Variants in MAGI2 observed in about 807,000 individuals in gnomAD.
The protein encoded by MAGI2 is membrane associated guanylate kinase, WW and PDZ domain containing 2.
In MAGI2, 35 loss-of-function variants were observed where a neutral mutation model predicts 133.3. The observed-to-expected ratio is 0.26, with a 90% CI of 0.20 to 0.35. MAGI2 has a LOEUF of 0.35. MAGI2 is among the 10% of genes least tolerant of loss of function. The probability of loss-of-function intolerance (pLI) is 1.00; values close to 1 mark genes in which losing one functional copy is unlikely to be tolerated. For missense variants in MAGI2, 1,636 were observed against 1,863.4 expected (o/e 0.88, Z 2.25); for synonymous variants, 729 against 710.6 (o/e 1.03, Z -0.41).
Position 79,321,381 on chromosome 7 carries a change from A to G in MAGI2, c.301+131639T>C, listed in dbSNP as rs150404625. 5.1e-3 allele frequency among the ~76,000 whole-genome samples: 781 copies of G among 152,252 alleles called. 4 individuals carry two copies. Among genetic ancestry groups the G allele is most frequent in the African/African-American group, 0.018 (738 of 41,552 alleles). On this transcript the variant is annotated intron_variant, in intron 1 of 21. Coordinates refer to ENST00000354212, the MANE Select transcript of MAGI2 (RefSeq NM_012301.4). ...AATTTAATATTCAATCTTTAGACAT[A>G]GCCATATATCCATGTTCCTTAAAAG...
chr7:79,143,517 T>C (rs1822327416), intron 1 of MAGI2, among the ~76,000 whole-genome samples: 1 of 152,166 alleles, frequency 6.6e-6, no homozygotes, highest in Non-Finnish European at 1.5e-5. Flanking sequence ...CCATTTGCTG[T>C]GGTAATAAAA....
intron 1 of MAGI2, among the ~76,000 whole-genome samples, chr7:79,132,763 A>G (rs988313687): frequency 3.6e-4 from 54 of 152,068 alleles, no homozygotes; most frequent in African/African-American, 1.1e-3. Flanking sequence ...AACATTCCCA[A>G]CCAACAGTGT....
chr7:78,085,550 CCACACACA>C (rs10636313), intron 20 of MAGI2, among the ~76,000 whole-genome samples: 12 of 121,042 alleles, frequency 9.9e-5, no homozygotes, highest in East Asian at 7.7e-4. Flanking sequence ...AATAAAACTC[CCACACACA>C]CACACACACA....
chr7:78,970,599 T>C (rs946885209), intron 2 of MAGI2, among the ~76,000 whole-genome samples: 2 of 152,052 alleles, frequency 1.3e-5, no homozygotes, highest in African/African-American at 4.8e-5. Context: ...AAATTCTCCT[T>C]ACATTGGCAA....
intron 3 of MAGI2, among the ~76,000 whole-genome samples, chr7:78,576,574 A>G (rs1802289771): frequency 6.8e-6 from 1 of 147,450 alleles, no homozygotes; most frequent in South Asian, 2.1e-4. Flanking sequence ...ACTTTTCCTG[A>G]AAGTCCATCA....
rs1232388186 is a variant in MAGI2 at position 79,292,819 on chromosome 7, A to G, written c.301+160201T>C. Among the ~76,000 whole-genome samples the G allele has an allele frequency of 2.9e-5, 4 of 136,234 alleles. No individual in the cohort carries two copies. In the Admixed American group the frequency reaches 3.3e-4, roughly 11 times the overall value. The allele number at this position is 136,234 out of a possible 152,430, so 89.4% of individuals were successfully genotyped here. A position where few individuals can be genotyped will look rare whatever the true frequency, so the allele number is the denominator to read the frequency against. Reference sequence around the variant, plus strand: ...AAAAAAAGGCAGCTCCTCAGCTGTCATTTTGATAGGGATTGCCCTGAGTCT... The same window carrying G: ...AAAAAAAGGCAGCTCCTCAGCTGTCGTTTTGATAGGGATTGCCCTGAGTCT... On this transcript the variant is annotated intron_variant, in intron 1 of 21. Transcript: ENST00000354212.
intron 20 of MAGI2, among the ~76,000 whole-genome samples, chr7:78,120,677 G>T (rs1432091145): frequency 6.6e-6 from 1 of 152,066 alleles, no homozygotes; most frequent in African/African-American, 2.4e-5. Flanking sequence ...GCAGATTGGT[G>T]GGGGGTGGGA....
chr7:78,318,629 G>A (rs1218816538), intron 9 of MAGI2, among the ~76,000 whole-genome samples: 3 of 152,082 alleles, frequency 2.0e-5, no homozygotes, highest in African/African-American at 7.2e-5. Context: ...ATGCCACAAA[G>A]ATATTCCTCA....
chr7:78,126,575 A>G (rs1262730093), intron 19 of MAGI2, among the ~76,000 whole-genome samples: 1 of 152,014 alleles, frequency 6.6e-6, no homozygotes, highest in Non-Finnish European at 1.5e-5. Context: ...TGTAAGGAAG[A>G]CTCTCCCTTT....
At chr7:78,697,336 T>A (rs187462603) in intron 2 of MAGI2, among the ~76,000 whole-genome samples, 460 of 152,310 alleles carry the variant, frequency 3.0e-3, no homozygotes, top group Non-Finnish European at 5.3e-3. Flanking sequence ...TCAGACTGCT[T>A]CTCAGTCTGC....
At chr7:78,624,829 T>C (rs1003200688) in intron 3 of MAGI2, among the ~76,000 whole-genome samples, 3 of 152,182 alleles carry the variant, frequency 2.0e-5, no homozygotes, top group Non-Finnish European at 4.4e-5. Context: ...TAATACTTGA[T>C]ATTGATAATA....
At chr7:78,427,492 AT>A (rs1273955709) in intron 6 of MAGI2, among the ~76,000 whole-genome samples, 1 of 152,136 alleles carries the variant, frequency 6.6e-6, no homozygotes, top group African/African-American at 2.4e-5. Context: ...AATGAGGAAT[AT>A]TTCATGATGA....
Position 78,256,329 on chromosome 7 carries a change from G to T in MAGI2, c.1661C>A (p.Thr554Asn). ...YETYLEYISR[T>N]SQSVPDITDR... ...TGTTATATCTGGAACTGACTGTGAGGTCCGAGAAATGTACTCCAAATATGT... is the reference window on the plus strand; with the variant it reads ...TGTTATATCTGGAACTGACTGTGAGTTCCGAGAAATGTACTCCAAATATGT... Residue 554 changes from threonine (T) to asparagine (N), a missense_variant, in exon 10 of 22, where the codon ACC becomes AAC. This residue lies in a region of MAGI2 where 920 missense variants were observed against 1,093.5 expected (regional missense o/e 0.84). Transcript: ENST00000354212. 6.2e-7 allele frequency: 1 copy of T among 1,614,068 alleles called. No individual in the cohort carries two copies. The highest frequency in any genetic ancestry group is 1.1e-5 in the South Asian group (1 of 91,088).
intron 2 of MAGI2, among the ~76,000 whole-genome samples, chr7:78,749,568 A>G (rs1006748516): frequency 6.6e-6 from 1 of 152,196 alleles, no homozygotes; most frequent in East Asian, 1.9e-4. Context: ...GAAAGCCCAA[A>G]GATCACACTG....
intron 1 of MAGI2, among the ~76,000 whole-genome samples, chr7:79,092,840 G>A (rs1439005915): frequency 1.3e-5 from 2 of 152,040 alleles, no homozygotes; most frequent in South Asian, 2.1e-4. Flanking sequence ...AACCCCTAAT[G>A]TCTTCAGCCA....
At chr7:78,313,613 T>C (rs1272413182) in intron 9 of MAGI2, among the ~76,000 whole-genome samples, 1 of 148,318 alleles carries the variant, frequency 6.7e-6, no homozygotes, top group Non-Finnish European at 1.5e-5. Context: ...TAGAAATAGG[T>C]ACTTTGCTAT....
intron 20 of MAGI2, among the ~76,000 whole-genome samples, chr7:78,105,179 A>G (rs1429073152): frequency 2.0e-5 from 3 of 152,128 alleles, no homozygotes; most frequent in African/African-American, 7.2e-5. Flanking sequence ...GTTAACGTAT[A>G]TTACTATAGT....
At chr7:78,802,765 C>T (rs1182457852) in intron 2 of MAGI2, among the ~76,000 whole-genome samples, 1 of 151,584 alleles carries the variant, frequency 6.6e-6, no homozygotes, top group Admixed American at 6.6e-5. Flanking sequence ...AAGTATGGAC[C>T]TGGGTGTCTT....
chr7:78,442,248 T>C (rs1412954982), intron 6 of MAGI2, among the ~76,000 whole-genome samples: 4 of 152,222 alleles, frequency 2.6e-5, no homozygotes, highest in Non-Finnish European at 5.9e-5. Flanking sequence ...TTAGAGTTAT[T>C]GTGCATTTGT....
Sources: allele counts gnomAD v4.1 joint callset (sites outside exome capture counted in the v4.1 genomes callset), GRCh38; gene constraint gnomAD v4.1.1; regional missense constraint gnomAD v4.1.1; transcripts MANE v1.5; gene names NCBI Gene and HGNC (gene_info 2026-07-23, HGNC 2026-07-21).